Variants in FAT1 observed in about 807,000 individuals in gnomAD.
FAT1 encodes the protein FAT atypical cadherin 1.
Under a neutral mutation model 329.8 loss-of-function variants are expected in FAT1, and 171 were observed. That is an observed-to-expected ratio of 0.52 (90% confidence interval 0.46 to 0.59). The LOEUF (loss-of-function observed/expected upper bound fraction) is 0.59. Among genes scored for constraint, FAT1 ranks in the 20% least tolerant of loss-of-function variants. FAT1 has a pLI of 0.00. For missense variants in FAT1, 5,672 were observed against 5,774.4 expected, an observed-to-expected ratio of 0.98 and a Z score of 0.57; for synonymous variants, 2,233 against 2,228.6, an observed-to-expected ratio of 1.00 and a Z score of -0.06.
rs539109452 is a variant in FAT1, at chr4:186,636,013, G to A, written c.4183+12C>T. ...ACCCATACGGACAACGAAAATGAGGGGGAATGCTTACCAGTGATGTCAAAC... is the reference window on the plus strand; with the variant it reads ...ACCCATACGGACAACGAAAATGAGGAGGAATGCTTACCAGTGATGTCAAAC... On this transcript the variant is annotated intron_variant, in intron 6 of 26. Coordinates refer to ENST00000441802, the MANE Select transcript of FAT1 (RefSeq NM_005245.4). 6.2e-7 allele frequency: 1 copy of A among 1,613,024 alleles called. No homozygotes were observed. Among genetic ancestry groups the A allele is most frequent in the East Asian group, 2.2e-5 (1 of 44,876 alleles).
rs768951959 is a variant in FAT1 at position 186,603,452 on chromosome 4, G to A, written c.11074C>T (p.Leu3692=). The change falls in exon 19 of 27, where the codon CTG becomes TTG. Residue 3692 remains leucine, a synonymous_variant. Transcript: ENST00000441802. ...TTCTCTACAAAAAGTAAGACGTCCAGATGTGGGTGAGGTTCAGAGGACTGC... is the reference window on the plus strand; with the variant it reads ...TTCTCTACAAAAAGTAAGACGTCCAAATGTGGGTGAGGTTCAGAGGACTGC... ...SLQSSEPHPH[L]DVLLFVEKPG... 6.2e-6 allele frequency: 10 copies of A among 1,613,902 alleles called. No homozygotes were observed. The highest frequency in any genetic ancestry group is 8.5e-6 in the Non-Finnish European group (10 of 1,179,912).
intron 10 of FAT1, 107 bp from the exon 11 acceptor site, chr4:186,617,308 G>A: frequency 1.2e-6 from 1 of 809,822 alleles, no homozygotes; most frequent in Non-Finnish European, 1.8e-6. Context: ...TAGTTTAAAA[G>A]AATTGAGTAT....
rs115174331 is a variant in FAT1 at position 186,693,761 on chromosome 4, T to A, written c.3265+12802A>T. On this transcript the variant is annotated intron_variant, in intron 2 of 26. Coordinates refer to ENST00000441802, the MANE Select transcript of FAT1 (RefSeq NM_005245.4). Reference sequence around the variant, plus strand: ...CAACAAAAGGCTAAATGCCATTCTCTGTAATTTCCTTCACAATACTTAATA... The same window carrying A: ...CAACAAAAGGCTAAATGCCATTCTCAGTAATTTCCTTCACAATACTTAATA... Among the ~76,000 whole-genome samples, 629 of 152,356 alleles carry A rather than the reference T, an allele frequency of 4.1e-3. 8 individuals are homozygous for A. Among genetic ancestry groups the A allele is most frequent in the African/African-American group, 0.014 (593 of 41,580 alleles).
chr4:186,661,724 A>G lies in FAT1; in HGVS notation c.3580+1575T>C, dbSNP rs185296228. Reference sequence around the variant, plus strand: ...CCTGGGTTCTGTGAGCCGCTCCAATAAAGTAACAGAACCCAAAGAGAGGTC... The same window carrying G: ...CCTGGGTTCTGTGAGCCGCTCCAATGAAGTAACAGAACCCAAAGAGAGGTC... On this transcript the variant is annotated intron_variant, in intron 3 of 26. Transcript: ENST00000441802. 1.0e-3 allele frequency among the ~76,000 whole-genome samples: 158 copies of G among 152,296 alleles called. 1 individual carries two copies. The highest frequency in any genetic ancestry group is 3.6e-3 in the African/African-American group (149 of 41,552).
intron 3 of FAT1, among the ~76,000 whole-genome samples, chr4:186,656,465 G>A (rs763878497): frequency 2.0e-5 from 3 of 152,208 alleles, no homozygotes; most frequent in Non-Finnish European, 4.4e-5. Flanking sequence ...GTATCTTCCT[G>A]TACTATTTGC....
At chr4:186,723,477 T>G (rs1745553764) in intron 1 of FAT1, among the ~76,000 whole-genome samples, 187 bp downstream of exon 1, 1 of 152,124 alleles carries the variant, frequency 6.6e-6, no homozygotes, top group African/African-American at 2.4e-5. Context: ...GGGACCCCCC[T>G]AGCCAGTGCT....
chr4:186,642,416 T>C (rs1298778941), intron 3 of FAT1, among the ~76,000 whole-genome samples: 1 of 152,212 alleles, frequency 6.6e-6, no homozygotes, highest in Non-Finnish European at 1.5e-5. Context: ...CTTGCTCACA[T>C]AGCTATCTCT....
intron 3 of FAT1, among the ~76,000 whole-genome samples, chr4:186,656,013 T>C (rs2126604024): frequency 6.6e-6 from 1 of 152,294 alleles, no homozygotes; most frequent in South Asian, 2.1e-4. Flanking sequence ...CCACCGCCAC[T>C]GAAGGTGGCA....
chr4:186,596,590 G>A lies in FAT1; in HGVS notation c.12950C>T (p.Pro4317Leu), dbSNP rs890879365. The A allele has an allele frequency of 9.3e-6, 15 of 1,613,172 alleles. No individual in the cohort carries two copies. Among genetic ancestry groups the A allele is most frequent in the Non-Finnish European group, 1.1e-5 (13 of 1,179,624 alleles). ...NLPPPPPSNS[P>L]SDSDSIQKPS... ...CTTCTGGATGGAGTCGCTGTCAGAA[G>A]GGGAGTTTGAAGGGGGTGGGGGAGG... is the stretch of plus-strand genomic sequence containing the variant. Residue 4317 changes from proline (P) to leucine (L), a missense_variant, in exon 25 of 27, where the codon CCT becomes CTT. Coordinates refer to ENST00000441802, the MANE Select transcript of FAT1 (RefSeq NM_005245.4). The surrounding 1 kb of genome is among the most constrained non-coding windows in gnomAD (Gnocchi z 4.7).
chr4:186,659,300 C>T (rs1178971091), intron 3 of FAT1, among the ~76,000 whole-genome samples: 2 of 152,178 alleles, frequency 1.3e-5, no homozygotes, highest in African/African-American at 4.8e-5. Context: ...AAATGCATCC[C>T]TGGCATTCAG....
chr4:186,650,917 T>C (rs1449956485), intron 3 of FAT1, among the ~76,000 whole-genome samples: 1 of 151,926 alleles, frequency 6.6e-6, no homozygotes, highest in South Asian at 2.1e-4. Context: ...ACCAGATGCA[T>C]GGAAAACAGA....
At chr4:186,661,848 G>A (rs77926832) in intron 3 of FAT1, among the ~76,000 whole-genome samples, 3,567 of 152,224 alleles carry the variant, frequency 0.023, 145 homozygotes, top group African/African-American at 0.082. Context: ...TCCGTCAGGA[G>A]TTTCAGAGGC....
At chr4:186,723,267 C>T (rs888824822) in intron 1 of FAT1, among the ~76,000 whole-genome samples, 1 of 152,244 alleles carries the variant, frequency 6.6e-6, no homozygotes, top group African/African-American at 2.4e-5. Context: ...ACCCAGGGAC[C>T]CGGCAGCCCC....
chr4:186,599,824 A>G, intron 22 of FAT1, 74 bp downstream of exon 22: 3 of 1,180,748 alleles, frequency 2.5e-6, no homozygotes, highest in Non-Finnish European at 3.6e-6. Flanking sequence ...AAAAAATAAA[A>G]AAATACCTGG....
At chr4:186,682,296 G>A (rs1181440732) in intron 2 of FAT1, among the ~76,000 whole-genome samples, 1 of 152,158 alleles carries the variant, frequency 6.6e-6, no homozygotes, top group Non-Finnish European at 1.5e-5. Flanking sequence ...GGAGACTAAG[G>A]CGGGTGGATC....
intron 2 of FAT1, among the ~76,000 whole-genome samples, chr4:186,697,328 G>A (rs1018829013): frequency 3.3e-5 from 5 of 152,208 alleles, no homozygotes; most frequent in Non-Finnish European, 7.3e-5. Context: ...CTCACAGCAC[G>A]CGAAAGCGCA....
At position 186,630,808 on chromosome 4, in the gene FAT1, C is replaced by T. The variant is rs1307912470; in HGVS notation, c.4324-2045G>A. On this transcript the variant is annotated intron_variant, in intron 7 of 26. Transcript: ENST00000441802. Reference sequence around the variant, plus strand: ...ACAAGAGGTGGAGCCGGGATTCAAACCAAGTGATCTGCTCCAGAGGCCACG... The same window carrying T: ...ACAAGAGGTGGAGCCGGGATTCAAATCAAGTGATCTGCTCCAGAGGCCACG... 2.6e-5 allele frequency among the ~76,000 whole-genome samples: 4 copies of T among 152,080 alleles called. No individual in the cohort carries two copies. The South Asian group carries it at 6.2e-4, about 24-fold the overall frequency.
At chr4:186,712,936 G>T (rs1745035163) in intron 1 of FAT1, among the ~76,000 whole-genome samples, 1 of 104,708 alleles carries the variant, frequency 9.6e-6, no homozygotes, top group African/African-American at 4.6e-5. Context: ...TTGAGGGACA[G>T]CGGTAAGGCC....
At chr4:186,633,321 AC>A (rs932771249) in intron 7 of FAT1, among the ~76,000 whole-genome samples, 5 of 152,326 alleles carry the variant, frequency 3.3e-5, no homozygotes, top group Middle Eastern at 6.8e-3. Context: ...AAGATTAATC[AC>A]TTTAACCAGT....
Sources: gnomAD v4.1 joint callset for allele counts (sites outside exome capture counted in the v4.1 genomes callset) on GRCh38, gnomAD v4.1.1 for gene constraint, Gnocchi (gnomAD v3.1) non-coding constraint, MANE v1.5 for transcripts, NCBI Gene and HGNC (gene_info 2026-07-23, HGNC 2026-07-21) for gene names.